AUTS2: variants seen among roughly 807,000 people sequenced by gnomAD.
The protein encoded by AUTS2 is activator of transcription and developmental regulator AUTS2.
Under a neutral mutation model 112.4 loss-of-function variants are expected in AUTS2, and 17 were observed. The observed-to-expected ratio is 0.15, with a 90% CI of 0.10 to 0.23. The LOEUF (loss-of-function observed/expected upper bound fraction) is 0.23. AUTS2 is among the 10% of genes least tolerant of loss of function. The probability of loss-of-function intolerance (pLI) is 1.00; values close to 1 mark genes in which losing one functional copy is unlikely to be tolerated. For missense variants in AUTS2, 1,510 were observed against 1,701.6 expected (o/e 0.89, Z 1.98); for synonymous variants, 751 against 702.7 (o/e 1.07, Z -1.09).
chr7:69,827,406 G>A (rs1172841486), intron 1 of AUTS2, among the ~76,000 whole-genome samples: 1 of 151,894 alleles, frequency 6.6e-6, no homozygotes, highest in Non-Finnish European at 1.5e-5. Context: ...CTTATCCTGC[G>A]TAGATGGATT....
At chr7:69,935,403 C>T (rs1796372118) in intron 2 of AUTS2, among the ~76,000 whole-genome samples, 3 of 152,074 alleles carry the variant, frequency 2.0e-5, no homozygotes, top group Admixed American at 2.0e-4. Flanking sequence ...AGGTGAGTAG[C>T]CTTTTCAAAA....
chr7:70,546,551 G>A (rs1427478318), intron 5 of AUTS2, among the ~76,000 whole-genome samples: 2 of 152,182 alleles, frequency 1.3e-5, no homozygotes, highest in East Asian at 3.9e-4. Flanking sequence ...GGCCAAGATG[G>A]GCGGATCACG....
intron 4 of AUTS2, among the ~76,000 whole-genome samples, chr7:70,259,778 A>C (rs1431838175): frequency 6.6e-6 from 1 of 152,216 alleles, no homozygotes; most frequent in Admixed American, 6.5e-5. Context: ...GATCATTTGG[A>C]ACTCTTGCTT....
At chr7:70,664,671 T>G (rs1807238808) in intron 5 of AUTS2, among the ~76,000 whole-genome samples, 1 of 152,106 alleles carries the variant, frequency 6.6e-6, no homozygotes, top group African/African-American at 2.4e-5. Context: ...CTGGGAAGAT[T>G]GGGAAGCCAT....
At chr7:70,402,360 C>T (rs923111128) in intron 4 of AUTS2, among the ~76,000 whole-genome samples, 2 of 152,228 alleles carry the variant, frequency 1.3e-5, no homozygotes, top group Non-Finnish European at 2.9e-5. Flanking sequence ...AGAGCCACTC[C>T]ACTGAAGTGG....
chr7:69,760,108 TATC>T (rs1372877793), intron 1 of AUTS2, among the ~76,000 whole-genome samples: 3 of 151,232 alleles, frequency 2.0e-5, no homozygotes, highest in Non-Finnish European at 4.4e-5. Context: ...AAAAAACAAG[TATC>T]ATGTTCTGTA....
intron 6 of AUTS2, among the ~76,000 whole-genome samples, chr7:70,735,457 G>C (rs975137264): frequency 1.1e-4 from 17 of 152,192 alleles, no homozygotes; most frequent in African/African-American, 4.1e-4. Flanking sequence ...GGCTGGGTTT[G>C]CCTAACCCTG....
chr7:70,496,532 CACACCACGTA>C (rs1798521406), intron 5 of AUTS2, among the ~76,000 whole-genome samples: 6 of 121,960 alleles, frequency 4.9e-5, no homozygotes, highest in African/African-American at 1.3e-4. Flanking sequence ...CCCACTCACA[CACACCACGTA>C]CACAGTCAGA....
chr7:70,054,309 T>C (rs1233231871), intron 2 of AUTS2, among the ~76,000 whole-genome samples: 1 of 152,208 alleles, frequency 6.6e-6, no homozygotes, highest in Non-Finnish European at 1.5e-5. Flanking sequence ...ACTTGTCCCC[T>C]TCTATCTTCT....
intron 1 of AUTS2, among the ~76,000 whole-genome samples, chr7:69,708,334 C>A (rs1798159803): frequency 1.3e-5 from 2 of 152,130 alleles, no homozygotes; most frequent in South Asian, 4.2e-4. Flanking sequence ...TTGTGAATGA[C>A]TAATAGAAAG....
intron 1 of AUTS2, among the ~76,000 whole-genome samples, chr7:69,865,211 T>A (rs1423356439): frequency 6.7e-6 from 1 of 149,256 alleles, no homozygotes; most frequent in Non-Finnish European, 1.5e-5. Context: ...AAGTGGGGAG[T>A]GGGAGTTTGG....
intron 5 of AUTS2, among the ~76,000 whole-genome samples, chr7:70,448,222 AAATGTTACCCCTCCTGGACAG>A (rs1796394787): frequency 6.6e-6 from 1 of 152,166 alleles, no homozygotes; most frequent in Non-Finnish European, 1.5e-5. Context: ...TCCAAGCTTG[AAATGTTACCCCTCCTGGACAG>A]AATGGACAAG....
chr7:70,703,409 TCACTTGGGCC>T (rs1809563968), intron 6 of AUTS2, among the ~76,000 whole-genome samples: 1 of 142,886 alleles, frequency 7.0e-6, no homozygotes, highest in South Asian at 2.2e-4. Flanking sequence ...GGTGAGAGGA[TCACTTGGGCC>T]CACAAGGTCG....
chr7:69,832,237 C>G (rs554042566), intron 1 of AUTS2, among the ~76,000 whole-genome samples: 2 of 152,150 alleles, frequency 1.3e-5, no homozygotes, highest in Non-Finnish European at 2.9e-5. Context: ...TCTTTAATAA[C>G]AACAGTGTTT....
chr7:70,401,700 G>T (rs1426355872), intron 4 of AUTS2, among the ~76,000 whole-genome samples: 1 of 152,190 alleles, frequency 6.6e-6, no homozygotes, highest in East Asian at 1.9e-4. Context: ...GGTGGGAGGA[G>T]ACTGCTTCTG....
intron 4 of AUTS2, among the ~76,000 whole-genome samples, chr7:70,154,412 A>T (rs1807626842): frequency 6.6e-6 from 1 of 152,168 alleles, no homozygotes. Context: ...TATTTAAAAG[A>T]TACATTTTTA....
intron 5 of AUTS2, among the ~76,000 whole-genome samples, chr7:70,460,299 C>T (rs769604753): frequency 2.0e-5 from 3 of 149,708 alleles, no homozygotes; most frequent in African/African-American, 7.4e-5. Flanking sequence ...GTCCCCAGCC[C>T]GAGAAGGAGG....
intron 9 of AUTS2, among the ~76,000 whole-genome samples, chr7:70,767,802 C>T (rs565374748): frequency 3.0e-4 from 46 of 152,316 alleles, no homozygotes; most frequent in Admixed American, 7.8e-4. Flanking sequence ...CATCCTAGTA[C>T]GTGCAGAACT....
In AUTS2 at chr7:70,631,515, G is replaced by A. The variant is rs538748427; in HGVS notation, c.691-67054G>A. Among the ~76,000 whole-genome samples, 6 of 152,230 alleles carry A rather than the reference G, an allele frequency of 3.9e-5. No individual in the cohort carries two copies. Among genetic ancestry groups the A allele is most frequent in the South Asian group, 4.2e-4 (2 of 4,818 alleles). On this transcript the variant is annotated intron_variant, in intron 5 of 18. Transcript: ENST00000342771. This position sits in a 1 kb window ranked among gnomAD's most constrained non-coding sequence, Gnocchi z 4.5. ...CTGAACCGTGGGGGACGGGGTGGTC[G>A]CAACCTAGAATGTGGGCTGGAGAGC...
Sources: allele counts gnomAD v4.1 joint callset (sites outside exome capture counted in the v4.1 genomes callset), GRCh38; gene constraint gnomAD v4.1.1; non-coding constraint Gnocchi (gnomAD v3.1); transcripts MANE v1.5; gene names NCBI Gene and HGNC (gene_info 2026-07-23, HGNC 2026-07-21).